Variants in PHACTR2 observed in about 807,000 individuals in gnomAD.
PHACTR2 encodes chromosome 6 open reading frame 56.
In PHACTR2, 30 loss-of-function variants were observed where a neutral mutation model predicts 76.0. That is an observed-to-expected ratio of 0.39 (90% confidence interval 0.30 to 0.54). PHACTR2 has a LOEUF of 0.54. Ranked by LOEUF, PHACTR2 falls within the 20% of genes least tolerant of loss-of-function variation. The pLI is 0.61. For synonymous variants in PHACTR2, 292 were observed against 292.5 expected (o/e 1.00, Z 0.02); for missense variants, 696 against 781.1 (o/e 0.89, Z 1.30).
rs1777144754 is a variant in PHACTR2, at chr6:143,671,018, G to C, written c.14-40998G>C. ...GACTCACTGCAACCTCCACCTCCCA[G>C]TTCCAGGTTCAAGCAATTCTCCTGC... On this transcript the variant is annotated intron_variant, in intron 1 of 11. Transcript: ENST00000305766. The surrounding 1 kb of genome is among the most constrained non-coding windows in gnomAD (Gnocchi z 4.6). Among the ~76,000 whole-genome samples, 1 of 151,614 alleles carries C rather than the reference G, an allele frequency of 6.6e-6. No individual in the cohort carries two copies. The highest frequency in any genetic ancestry group is 2.4e-5 in the African/African-American group (1 of 41,228).
chr6:143,687,834 C>T lies in PHACTR2; in HGVS notation c.46+9625C>T, dbSNP rs1442369403. On this transcript the variant is annotated intron_variant, in intron 1 of 12. Transcript: ENST00000440869. ...TGGTATGTGCTTGGCAGGTATAGTCCTACAAATCAGCCTGTTTTATGAGGG... is the reference window on the plus strand; with the variant it reads ...TGGTATGTGCTTGGCAGGTATAGTCTTACAAATCAGCCTGTTTTATGAGGG... 3.3e-5 allele frequency among the ~76,000 whole-genome samples: 5 copies of T among 152,210 alleles called. No homozygotes were observed. In the East Asian group the frequency reaches 9.7e-4, roughly 29 times the overall value.
chr6:143,813,941 A>G (rs1776241949), intron 12 of PHACTR2, among the ~76,000 whole-genome samples: 1 of 152,208 alleles, frequency 6.6e-6, no homozygotes, highest in African/African-American at 2.4e-5. Flanking sequence ...ACTAAAACCT[A>G]CTGGTGACTG....
At chr6:143,573,305 G>A (rs1333463526) in intron 1 of PHACTR2, among the ~76,000 whole-genome samples, 3 of 152,164 alleles carry the variant, frequency 2.0e-5, no homozygotes, top group Non-Finnish European at 4.4e-5. Context: ...CAATGGCTGC[G>A]TGCTTGGTTT....
chr6:143,809,785 A>C lies in PHACTR2; in HGVS notation c.1922+2652A>C, dbSNP rs1228414984. The stretch of plus-strand genomic sequence containing the variant: ...TATATGTACCCTCTCTCACACATAA[A>C]CACAGCATCTAAGAAATCTTTCTAT... On this transcript the variant is annotated intron_variant, in intron 12 of 12. Transcript: ENST00000440869. This position sits in a 1 kb window ranked among gnomAD's most constrained non-coding sequence, Gnocchi z 4.2. 6.6e-6 allele frequency among the ~76,000 whole-genome samples: 1 copy of C among 152,092 alleles called. No individual in the cohort carries two copies. The highest frequency in any genetic ancestry group is 1.5e-5 in the Non-Finnish European group (1 of 68,020).
chr6:143,739,204 A>G lies in PHACTR2; in HGVS notation c.215-9781A>G, dbSNP rs1490307481. ...CTCAGCCTCCCAAGTAGCTGGGACT[A>G]TAGGCGTGCACCACCACGCCCATCT... On this transcript the variant is annotated intron_variant, in intron 2 of 12. Coordinates refer to ENST00000440869, the MANE Select transcript of PHACTR2 (RefSeq NM_001100164.2). This position sits in a 1 kb window ranked among gnomAD's most constrained non-coding sequence, Gnocchi z 4.3. Among the ~76,000 whole-genome samples, 1 of 152,120 alleles carries G rather than the reference A, an allele frequency of 6.6e-6. No homozygotes were observed. Among genetic ancestry groups the G allele is most frequent in the African/African-American group, 2.4e-5 (1 of 41,404 alleles).
At position 143,550,287 on chromosome 6, in the gene PHACTR2, G is replaced by A. The variant is rs555004681; in HGVS notation, c.217+13080G>A. Among the ~76,000 whole-genome samples, 6 of 152,102 alleles carry A rather than the reference G, an allele frequency of 3.9e-5. No homozygotes were observed. Among genetic ancestry groups the A allele is most frequent in the South Asian group, 2.1e-4 (1 of 4,812 alleles). ...TAACAGGCTTCTAAGTTTTGCTGAC[G>A]CTGCTGGTCCTCGGACCACACTTCA... On this transcript the variant is annotated intron_variant, in intron 1 of 11. Coordinates refer to the PHACTR2 transcript ENST00000367584. The surrounding 1 kb of genome is among the most constrained non-coding windows in gnomAD (Gnocchi z 4.8).
intron 2 of PHACTR2, among the ~76,000 whole-genome samples, chr6:143,737,045 T>C (rs1248713846): frequency 2.0e-5 from 3 of 151,850 alleles, no homozygotes; most frequent in Non-Finnish European, 4.4e-5. Context: ...AGGACTGGAA[T>C]ACATCCTATA....
chr6:143,676,248 A>G (rs61181766), upstream of PHACTR2, among the ~76,000 whole-genome samples: 1,422 of 152,350 alleles, frequency 9.3e-3, 22 homozygotes, highest in African/African-American at 0.032. The surrounding 1 kb of genome is among the most constrained non-coding windows in gnomAD (Gnocchi z 4.8). Context: ...AATAAGGTAA[A>G]TATAGCTGTA....
chr6:143,718,178 G>T (rs2128462497), intron 2 of PHACTR2, among the ~76,000 whole-genome samples: 1 of 152,214 alleles, frequency 6.6e-6, no homozygotes, highest in South Asian at 2.1e-4. Flanking sequence ...ATTTTCTGAA[G>T]GTACTGTGTA....
Position 143,589,871 on chromosome 6 carries a change from C to T in PHACTR2, c.217+52664C>T, listed in dbSNP as rs77054198. Among the ~76,000 whole-genome samples, 1,636 of 152,274 alleles carry T rather than the reference C, an allele frequency of 0.011. 29 individuals carry two copies. Among genetic ancestry groups the T allele is most frequent in the African/African-American group, 0.037 (1,534 of 41,546 alleles). On this transcript the variant is annotated intron_variant, in intron 1 of 11. Transcript: ENST00000367584. The surrounding 1 kb of genome is among the most constrained non-coding windows in gnomAD (Gnocchi z 4.4). ...TACACATCCCAGCTCATTCTAGAAC[C>T]AGGCAAGGATAATAGGAGAAGGGAA...
rs144455482 is a variant in PHACTR2, at chr6:143,757,908, T to C, written c.455-2493T>C. On this transcript the variant is annotated intron_variant, in intron 4 of 12. Transcript: ENST00000440869. This position sits in a 1 kb window ranked among gnomAD's most constrained non-coding sequence, Gnocchi z 4.2. The stretch of plus-strand genomic sequence containing the variant: ...AGGAGTTTATAATTCAGTCAAAAAA[T>C]TATACTATTTGCATACTCATATGTC... 1.7e-3 allele frequency among the ~76,000 whole-genome samples: 263 copies of C among 152,040 alleles called. No individual in the cohort carries two copies. The highest frequency in any genetic ancestry group is 5.8e-3 in the African/African-American group (239 of 41,504).
chr6:143,737,767 C>A (rs1562288208), intron 2 of PHACTR2, among the ~76,000 whole-genome samples: 7 of 152,168 alleles, frequency 4.6e-5, no homozygotes, highest in Admixed American at 3.3e-4. Context: ...CCTATCACTG[C>A]AGGGTTGGGC....
Position 143,774,042 on chromosome 6 carries a change from T to C in PHACTR2, c.1433-17T>C. 1 of 1,611,346 alleles carries C rather than the reference T, an allele frequency of 6.2e-7. No individual in the cohort carries two copies. Among genetic ancestry groups the C allele is most frequent in the Non-Finnish European group, 8.5e-7 (1 of 1,178,382 alleles). On this transcript the variant is annotated splice_polypyrimidine_tract_variant and intron_variant, in intron 7 of 12. Transcript: ENST00000440869. The surrounding 1 kb of genome is among the most constrained non-coding windows in gnomAD (Gnocchi z 5.4). ...AAAGCCTCTCTCTCTGCATTTCTGC[T>C]CTTTTTCAATCCTCAGGTGCTTTGG...
Position 143,825,785 on chromosome 6 carries a change from T to C in PHACTR2, c.*2096T>C, listed in dbSNP as rs545534054. 6.6e-6 allele frequency: 1 copy of C among 152,182 alleles called. No homozygotes were observed. The highest frequency in any genetic ancestry group is 2.1e-4 in the South Asian group (1 of 4,826). 9.4% of individuals were successfully genotyped at this position (152,182 alleles called of 1,614,324 possible). On this transcript the variant is annotated 3_prime_UTR_variant, in exon 13 of 13. Transcript: ENST00000440869. The surrounding 1 kb of genome is among the most constrained non-coding windows in gnomAD (Gnocchi z 4.1). The stretch of plus-strand genomic sequence containing the variant: ...CACAAGACCTCTCTATAATGGTAAA[T>C]GTAAGACATCACCATTTTATCACTC...
In PHACTR2 at chr6:143,806,312, T is replaced by G. The variant is rs1444416321; in HGVS notation, c.1846-745T>G. Among the ~76,000 whole-genome samples the G allele has an allele frequency of 6.6e-6, 1 of 152,210 alleles. No homozygotes were observed. The highest frequency in any genetic ancestry group is 1.5e-5 in the Non-Finnish European group (1 of 68,038). On this transcript the variant is annotated intron_variant, in intron 11 of 12. Coordinates refer to ENST00000440869, the MANE Select transcript of PHACTR2 (RefSeq NM_001100164.2). The surrounding 1 kb of genome is among the most constrained non-coding windows in gnomAD (Gnocchi z 5.8). ...TATTTTCTTTGGGTAGCTTTAAGGA[T>G]TATGCTGAAATTATAAGTTCTATTT...
intron 1 of PHACTR2, among the ~76,000 whole-genome samples, chr6:143,699,620 C>T (rs939036812): frequency 3.9e-5 from 6 of 152,182 alleles, no homozygotes; most frequent in South Asian, 2.1e-4. Context: ...TCTGCCAGCA[C>T]CTGAAGTTCA....
chr6:143,746,538 C>G (rs2128469271), intron 2 of PHACTR2, among the ~76,000 whole-genome samples: 1 of 152,292 alleles, frequency 6.6e-6, no homozygotes, highest in South Asian at 2.1e-4. Context: ...AGCCGTGAAT[C>G]TCTGGGCCTG....
At chr6:143,568,392 G>A (rs1161180615) in intron 1 of PHACTR2, among the ~76,000 whole-genome samples, 2 of 152,206 alleles carry the variant, frequency 1.3e-5, no homozygotes, top group African/African-American at 4.8e-5. Flanking sequence ...TTTAGAGGCA[G>A]TAAGCAAAGC....
In PHACTR2 at chr6:143,596,840, AAAAAAT is replaced by A. The variant is rs1294377206; in HGVS notation, c.217+59651_217+59656del. Among the ~76,000 whole-genome samples, 3 of 152,278 alleles carry A rather than the reference AAAAAAT, an allele frequency of 2.0e-5. No individual in the cohort carries two copies. Among genetic ancestry groups the A allele is most frequent in the Admixed American group, 6.5e-5 (1 of 15,298 alleles). The stretch of plus-strand genomic sequence containing the variant: ...GTGACAGAGTGAGACCTCATCTCAA[AAAAAAT>A]AAAAATAAAAATAAAAAGAATCATG... On this transcript the variant is annotated intron_variant, in intron 1 of 11. Coordinates refer to the PHACTR2 transcript ENST00000367584. This position sits in a 1 kb window ranked among gnomAD's most constrained non-coding sequence, Gnocchi z 4.6.
Sources: gnomAD v4.1 joint callset for allele counts (sites outside exome capture counted in the v4.1 genomes callset) on GRCh38, gnomAD v4.1.1 for gene constraint, Gnocchi (gnomAD v3.1) non-coding constraint, MANE v1.5 for transcripts, NCBI Gene and HGNC (gene_info 2026-07-23, HGNC 2026-07-21) for gene names.